KIF21B: variants seen among roughly 807,000 people sequenced by gnomAD.
KIF21B encodes the protein kinesin family member 21B.
Under a neutral mutation model 192.9 loss-of-function variants are expected in KIF21B, and 85 were observed. That is an observed-to-expected ratio of 0.44 (90% CI 0.37 to 0.53). The LOEUF (loss-of-function observed/expected upper bound fraction) is 0.53, where lower values mean the gene tolerates loss of function less well. KIF21B is among the 20% of genes least tolerant of loss of function. The probability of loss-of-function intolerance (pLI) is 0.00; values close to 1 mark genes in which losing one functional copy is unlikely to be tolerated. For synonymous variants in KIF21B, 832 were observed against 884.6 expected (o/e 0.94, Z 1.05); for missense variants, 1,716 against 2,194.8 (o/e 0.78, Z 4.36).
At chr1:200,983,327 A>G (rs12568529) in intron 27 of KIF21B, among the ~76,000 whole-genome samples, 39,210 of 151,952 alleles carry the variant, frequency 0.26, 6,086 homozygotes, top group African/African-American at 0.43. Flanking sequence ...TCGGCTGGCA[A>G]GGGAGGAGCG....
intron 34 of KIF21B, 118 bp from the exon 35 acceptor site, chr1:200,973,696 T>G: frequency 6.7e-7 from 1 of 1,499,656 alleles, no homozygotes; most frequent in Non-Finnish European, 8.8e-7. Context: ...TGGTTGGGGC[T>G]GGGAGGCAAG....
chr1:200,975,796 G>GCTCCTCTCCCC lies in KIF21B; in HGVS notation c.4444-128_4444-127insGGGGAGAGGAG. Reference sequence around the variant, plus strand: ...AGGGTGACAGCCACTGCCCTCTGGGGAGAGGAGCTTCCCAGCAGGCGAGGG... The same window carrying GCTCCTCTCCCC: ...AGGGTGACAGCCACTGCCCTCTGGGGCTCCTCTCCCCAGAGGAGCTTCCCAGCAGGCGAGGG... On this transcript the variant is annotated intron_variant, in intron 32 of 34. Transcript: ENST00000461742. This position sits in a 1 kb window ranked among gnomAD's most constrained non-coding sequence, Gnocchi z 4.3. 1.1e-6 allele frequency: 1 copy of GCTCCTCTCCCC among 904,886 alleles called. No individual in the cohort carries two copies. The highest frequency in any genetic ancestry group is 1.6e-6 in the Non-Finnish European group (1 of 620,768). 56.1% of individuals were successfully genotyped at this position (904,886 alleles called of 1,614,324 possible). A position where few individuals can be genotyped will look rare whatever the true frequency, so the allele number is the denominator to read the frequency against.
chr1:200,982,973 G>T lies in KIF21B; in HGVS notation c.3842+83C>A. The T allele has an allele frequency of 7.8e-7, 1 of 1,287,614 alleles. No individual in the cohort carries two copies. Among genetic ancestry groups the T allele is most frequent in the Non-Finnish European group, 1.1e-6 (1 of 921,200 alleles). The allele number at this position is 1,287,614 out of a possible 1,614,324, so 79.8% of individuals were successfully genotyped here. A position where few individuals can be genotyped will look rare whatever the true frequency, so the allele number is the denominator to read the frequency against. ...ATGCTGAGGACACGGGTGTCAGGCG[G>T]GAGGGATGCAGCAAGAGACAGAGAA... On this transcript the variant is annotated intron_variant, in intron 28 of 34. Transcript: ENST00000461742. This position sits in a 1 kb window ranked among gnomAD's most constrained non-coding sequence, Gnocchi z 4.7.
chr1:201,000,801 GA>G lies in KIF21B; in HGVS notation c.1403-22del, dbSNP rs1446128037. 5.6e-6 allele frequency: 9 copies of G among 1,613,932 alleles called. No homozygotes were observed. Among genetic ancestry groups the G allele is most frequent in the Non-Finnish European group, 6.8e-6 (8 of 1,179,806 alleles). ...ATCGCCTGGAGTGGGACGGCGGGAAGAAGGGTGCGATAAAGAAGATAAATAG... is the reference window on the plus strand; with the variant it reads ...ATCGCCTGGAGTGGGACGGCGGGAAGAGGGTGCGATAAAGAAGATAAATAG... On this transcript the variant is annotated intron_variant, in intron 9 of 34. Coordinates refer to ENST00000461742, the MANE Select transcript of KIF21B (RefSeq NM_001252102.2). The surrounding 1 kb of genome is among the most constrained non-coding windows in gnomAD (Gnocchi z 6.0).
chr1:200,973,695 C>T, intron 34 of KIF21B, 117 bp from the exon 35 acceptor site: 1 of 1,501,540 alleles, frequency 6.7e-7, no homozygotes, highest in Non-Finnish European at 8.8e-7. Context: ...GTGGTTGGGG[C>T]TGGGAGGCAA....
At chr1:201,005,257 C>T (rs560611579) in intron 5 of KIF21B, 51 bp downstream of exon 5, 18 of 1,514,490 alleles carry the variant, frequency 1.2e-5, no homozygotes, top group South Asian at 6.5e-5. Context: ...TTGCCCTTCC[C>T]GGGATACCCC....
At position 200,975,562 on chromosome 1, in the gene KIF21B, C is replaced by T; in HGVS notation, c.4551G>A (p.Leu1517=). ...TGCCGTTATCTCGGGAGCCACTGAACAGGATGTCTCCCTGGATGGCGAGAC... is the reference window on the plus strand; with the variant it reads ...TGCCGTTATCTCGGGAGCCACTGAATAGGATGTCTCCCTGGATGGCGAGAC... ...IECLAIQGDI[L]FSGSRDNGIK... is the part of the protein sequence containing the mutation. The change falls in exon 33 of 35, where the codon CTG becomes CTA. Residue 1517 remains leucine, a synonymous_variant. Coordinates refer to ENST00000461742, the MANE Select transcript of KIF21B (RefSeq NM_001252102.2). This position sits in a 1 kb window ranked among gnomAD's most constrained non-coding sequence, Gnocchi z 4.3. The T allele has an allele frequency of 6.2e-7, 1 of 1,614,012 alleles. No homozygotes were observed. Among genetic ancestry groups the T allele is most frequent in the Non-Finnish European group, 8.5e-7 (1 of 1,179,898 alleles).
chr1:200,996,017 C>T (rs147889155), intron 15 of KIF21B, among the ~76,000 whole-genome samples, 179 bp downstream of exon 15: 25 of 152,260 alleles, frequency 1.6e-4, no homozygotes, highest in African/African-American at 3.9e-4. Flanking sequence ...TCACCTTGGA[C>T]GATGCACTCA....
intron 27 of KIF21B, 60 bp downstream of exon 27, chr1:200,984,799 C>T (rs2102396914): frequency 7.7e-7 from 1 of 1,296,540 alleles, no homozygotes; most frequent in East Asian, 2.7e-5. Flanking sequence ...CAAGGACCAT[C>T]CACAGGCTCC....
At position 200,996,396 on chromosome 1, in the gene KIF21B, C is replaced by G; in HGVS notation, c.2078-1G>C. 1 of 1,613,700 alleles carries G rather than the reference C, an allele frequency of 6.2e-7. No homozygotes were observed. On this transcript the variant is annotated splice_acceptor_variant, in intron 14 of 34. Transcript: ENST00000461742. LOFTEE classifies it high-confidence loss of function. ...TCCTCAGTATAGCACTCCATGGTGC[C>G]TGAGAGCAAGGAGACGCAGCTGTCG... is the stretch of plus-strand genomic sequence containing the variant.
chr1:200,989,932 C>T lies in KIF21B; in HGVS notation c.3132+10G>A. The T allele has an allele frequency of 6.2e-7, 1 of 1,610,200 alleles. No individual in the cohort carries two copies. The highest frequency in any genetic ancestry group is 8.5e-7 in the Non-Finnish European group (1 of 1,176,700). On this transcript the variant is annotated intron_variant, in intron 21 of 34. Coordinates refer to ENST00000461742, the MANE Select transcript of KIF21B (RefSeq NM_001252102.2). The stretch of plus-strand genomic sequence containing the variant: ...ATAGAGCCCCCTGCCCATGTACGCT[C>T]CCAGCTTACCTTGTCAATGGATGCC...
intron 21 of KIF21B, among the ~76,000 whole-genome samples, chr1:200,989,147 G>T (rs773824394): frequency 1.3e-5 from 2 of 152,122 alleles, no homozygotes; most frequent in Non-Finnish European, 2.9e-5. Context: ...CCTATTATGG[G>T]CTAGGTTATG....
rs561567483 is a variant in KIF21B, at chr1:201,014,773, C to A, written c.42-5285G>T. On this transcript the variant is annotated intron_variant, in intron 1 of 34. Transcript: ENST00000461742. ...ACTAAGCTGCCTCCAAATCTTTACA[C>A]TGAGGTCCCCATTGGTGCAGTCCCA... Among the ~76,000 whole-genome samples, 7 of 152,370 alleles carry A rather than the reference C, an allele frequency of 4.6e-5. No homozygotes were observed. In the South Asian group the frequency reaches 1.4e-3, roughly 32 times the overall value.
chr1:200,996,215 G>A lies in KIF21B; in HGVS notation c.2258C>T (p.Ala753Val), dbSNP rs1657054960. 1.2e-6 allele frequency: 2 copies of A among 1,613,192 alleles called. No homozygotes were observed. Among genetic ancestry groups the A allele is most frequent in the South Asian group, 1.1e-5 (1 of 91,034 alleles). The change falls in exon 15 of 35, where the codon GCT (alanine) becomes GTT (valine). Residue 753 changes from alanine (A) to valine (V), a missense_variant. Ala to Val is a moderately conservative substitution (Grantham distance 64, BLOSUM62 0). Coordinates refer to ENST00000461742, the MANE Select transcript of KIF21B (RefSeq NM_001252102.2). ...CCCTACCTTGGCCTTCTTCATCTCA[G>A]CCACCTCGGCCTGTAGCTTCTTCAG... ...RELKKLQAEVAEMKKAKVALM... is the reference protein window; with the variant it reads ...RELKKLQAEVVEMKKAKVALM...
intron 1 of KIF21B, among the ~76,000 whole-genome samples, chr1:201,011,073 A>C (rs1157130682): frequency 6.6e-6 from 1 of 152,238 alleles, no homozygotes; most frequent in East Asian, 1.9e-4. Flanking sequence ...CACCACATTT[A>C]TCCAGCTGTC....
In KIF21B at chr1:200,975,406, C is replaced by T. The variant is rs1222871913; in HGVS notation, c.4614+93G>A. The T allele has an allele frequency of 1.0e-5, 12 of 1,196,758 alleles. No individual in the cohort carries two copies. The East Asian group carries it at 1.2e-4, about 12-fold the overall frequency. The allele number at this position is 1,196,758 out of a possible 1,614,324, so 74.1% of individuals were successfully genotyped here. On this transcript the variant is annotated intron_variant, in intron 33 of 34. Coordinates refer to ENST00000461742, the MANE Select transcript of KIF21B (RefSeq NM_001252102.2). The surrounding 1 kb of genome is among the most constrained non-coding windows in gnomAD (Gnocchi z 4.3). The stretch of plus-strand genomic sequence containing the variant: ...TGTGAAAACCATCTGGCCTGGGGCC[C>T]GCGAGTCCAGGTCCCAGGGTCTCCA...
At position 200,990,539 on chromosome 1, in the gene KIF21B, G is replaced by C. The variant is rs544674271; in HGVS notation, c.2835+37C>G. The C allele has an allele frequency of 4.4e-6, 7 of 1,606,554 alleles. No individual in the cohort carries two copies. In the South Asian group the frequency reaches 6.6e-5, roughly 15 times the overall value. Reference sequence around the variant, plus strand: ...TTGGAGGTGTCAGAGGACAGGCAGAGGGGTGGAATGGAAGAGAAGGGGGAG... The same window carrying C: ...TTGGAGGTGTCAGAGGACAGGCAGACGGGTGGAATGGAAGAGAAGGGGGAG... On this transcript the variant is annotated intron_variant, in intron 19 of 34. Transcript: ENST00000461742. This position sits in a 1 kb window ranked among gnomAD's most constrained non-coding sequence, Gnocchi z 5.4.
rs1336089207 is a variant in KIF21B at position 201,000,940 on chromosome 1, T to G, written c.1403-160A>C. Among the ~76,000 whole-genome samples, 2 of 152,080 alleles carry G rather than the reference T, an allele frequency of 1.3e-5. No homozygotes were observed. The highest frequency in any genetic ancestry group is 2.9e-5 in the Non-Finnish European group (2 of 68,004). On this transcript the variant is annotated intron_variant, in intron 9 of 34. Transcript: ENST00000461742. The surrounding 1 kb of genome is among the most constrained non-coding windows in gnomAD (Gnocchi z 6.0). ...CTGACCAACATGGAGAAACCCCGTCTCTACTAAAAATACAAAATTAGCCGG... is the reference window on the plus strand; with the variant it reads ...CTGACCAACATGGAGAAACCCCGTCGCTACTAAAAATACAAAATTAGCCGG...
chr1:201,002,465 C>T (rs1490822965), intron 8 of KIF21B, 115 bp from the exon 9 acceptor site: 5 of 867,144 alleles, frequency 5.8e-6, no homozygotes, highest in Non-Finnish European at 9.2e-6. Flanking sequence ...GGATATGGCG[C>T]ATCACCAGTC....
Sources: gnomAD v4.1 joint callset for allele counts (sites outside exome capture counted in the v4.1 genomes callset) on GRCh38, gnomAD v4.1.1 for gene constraint, Gnocchi (gnomAD v3.1) non-coding constraint, MANE v1.5 for transcripts, NCBI Gene and HGNC (gene_info 2026-07-23, HGNC 2026-07-21) for gene names.